Variants in NSUN6 observed in about 807,000 individuals in gnomAD.
NSUN6 encodes NOP2/Sun RNA methyltransferase 6, also known as tRNA (cytosine(72)-C(5))-methyltransferase NSUN6.
Under a neutral mutation model 58.0 loss-of-function variants are expected in NSUN6, and 64 were observed. The ratio of observed to expected loss-of-function variants is 1.10; its 90% confidence interval spans 0.90 to 1.36. The LOEUF is 1.36. NSUN6 is among the 40% of genes most tolerant of loss of function. The pLI, the probability that NSUN6 is intolerant of heterozygous loss-of-function variation, is 0.00. For missense variants in NSUN6, 701 were observed against 550.1 expected, an observed-to-expected ratio of 1.27 and a Z score of -2.74; for synonymous variants, 231 against 193.9, an observed-to-expected ratio of 1.19 and a Z score of -1.59.
intron 3 of NSUN6, among the ~76,000 whole-genome samples, chr10:18,618,015 T>G (rs76839382): frequency 6.6e-6 from 1 of 152,190 alleles, no homozygotes; most frequent in East Asian, 1.9e-4. Flanking sequence ...TATTCTGCTA[T>G]AGCAGCAAAA....
intron 8 of NSUN6, among the ~76,000 whole-genome samples, chr10:18,555,906 AGAATG>A (rs142462616): frequency 0.052 from 7,337 of 140,578 alleles, 278 homozygotes; most frequent in Non-Finnish European, 0.08. Context: ...AATGGAATGG[AGAATG>A]GAATGGAATG....
At chr10:18,658,841 G>T (rs187631730), upstream of NSUN6, among the ~76,000 whole-genome samples, 1 of 152,156 alleles carries the variant, frequency 6.6e-6, no homozygotes, top group Admixed American at 6.5e-5. Context: ...GTCTGCAATC[G>T]ATCAATCAAT....
intron 8 of NSUN6, among the ~76,000 whole-genome samples, chr10:18,575,408 C>G (rs1394865795): frequency 6.6e-6 from 1 of 152,164 alleles, no homozygotes; most frequent in Non-Finnish European, 1.5e-5. Context: ...ACTCACTGGG[C>G]TGAAGCTATC....
In NSUN6 at chr10:18,614,537, A is replaced by G. The variant is rs2058344300; in HGVS notation, c.498T>C (p.Asp166=). 2 of 1,544,172 alleles carry G rather than the reference A, an allele frequency of 1.3e-6. No homozygotes were observed. Among genetic ancestry groups the G allele is most frequent in the Non-Finnish European group, 1.7e-6 (2 of 1,143,456 alleles). ...CATTTCCAAGAAATACTTTTGTTCC[A>G]TCAAATTCTTTGGCTCCTTTCTTAC... ...GKCKKGAKEF[D]GTKVFLGNGI... Residue 166 remains aspartate (D), a synonymous_variant, in exon 5 of 11, where the codon GAT becomes GAC. Transcript: ENST00000377304.
chr10:18,577,087 A>G (rs887327286), intron 8 of NSUN6, among the ~76,000 whole-genome samples: 1 of 152,198 alleles, frequency 6.6e-6, no homozygotes, highest in African/African-American at 2.4e-5. Flanking sequence ...ATCTATTACA[A>G]CCAACGGCGA....
At chr10:18,648,109 G>A (rs2059602717) in intron 2 of NSUN6, among the ~76,000 whole-genome samples, 1 of 151,928 alleles carries the variant, frequency 6.6e-6, no homozygotes, top group African/African-American at 2.4e-5. Context: ...CCTTACCCCT[G>A]GGCTTATTAT....
chr10:18,650,892 C>T (rs1188417878), intron 1 of NSUN6, among the ~76,000 whole-genome samples: 1 of 152,232 alleles, frequency 6.6e-6, no homozygotes, highest in Non-Finnish European at 1.5e-5. Flanking sequence ...GCCTGACAGG[C>T]ACATGCCTTT....
At chr10:18,576,593 T>A (rs1039362257) in intron 8 of NSUN6, among the ~76,000 whole-genome samples, 2 of 152,202 alleles carry the variant, frequency 1.3e-5, no homozygotes, top group African/African-American at 4.8e-5. Flanking sequence ...ATCCCGAAGT[T>A]TGACACCCTG....
At chr10:18,618,346 T>C (rs1463333089) in intron 3 of NSUN6, among the ~76,000 whole-genome samples, 1 of 152,136 alleles carries the variant, frequency 6.6e-6, no homozygotes, top group East Asian at 1.9e-4. Flanking sequence ...ATTATTGTCT[T>C]TCCCCCATTA....
chr10:18,590,302 A>G (rs1189983375), intron 7 of NSUN6, among the ~76,000 whole-genome samples: 1 of 152,176 alleles, frequency 6.6e-6, no homozygotes, highest in Non-Finnish European at 1.5e-5. Context: ...CTCCCACACA[A>G]TAATAGTGGG....
chr10:18,588,069 G>T (rs556662542), intron 7 of NSUN6, among the ~76,000 whole-genome samples: 74 of 152,326 alleles, frequency 4.9e-4, no homozygotes, highest in Admixed American at 1.6e-3. Context: ...AGTCAACGTG[G>T]GATGACCGAG....
At chr10:18,624,333 T>C (rs1440449197) in intron 3 of NSUN6, among the ~76,000 whole-genome samples, 5 of 151,846 alleles carry the variant, frequency 3.3e-5, no homozygotes, top group Admixed American at 1.3e-4. Context: ...TCCTATACTA[T>C]TGACAAGAGA....
chr10:18,573,460 C>T (rs1409248512), intron 8 of NSUN6, among the ~76,000 whole-genome samples: 1 of 151,676 alleles, frequency 6.6e-6, no homozygotes, highest in Non-Finnish European at 1.5e-5. Flanking sequence ...TTCCATATTC[C>T]ATTCCATTCT....
At chr10:18,613,769 C>G (rs1317477886) in intron 5 of NSUN6, among the ~76,000 whole-genome samples, 1 of 152,168 alleles carries the variant, frequency 6.6e-6, no homozygotes, top group East Asian at 1.9e-4. Context: ...ACATGAAAAA[C>G]TGTTCCACCA....
Position 18,633,198 on chromosome 10 carries a change from T to A in NSUN6, c.311+9278A>T, listed in dbSNP as rs561141442. ...GCATATTCTCACTCATAGGTGGGAA[T>A]TGAACAATGGGAACACATGGACACA... On this transcript the variant is annotated intron_variant, in intron 3 of 10. Transcript: ENST00000377304. Among the ~76,000 whole-genome samples, 34 of 150,740 alleles carry A rather than the reference T, an allele frequency of 2.3e-4. No individual in the cohort carries two copies. In the East Asian group the frequency reaches 4.9e-3, roughly 22 times the overall value.
intron 8 of NSUN6, among the ~76,000 whole-genome samples, chr10:18,569,169 TATTCC>T (rs1054643429): frequency 8.0e-5 from 12 of 149,846 alleles, no homozygotes; most frequent in Admixed American, 2.0e-4. Context: ...TTCCATTCTC[TATTCC>T]ATTCCATTCC....
At chr10:18,588,400 G>C (rs956112723) in intron 7 of NSUN6, among the ~76,000 whole-genome samples, 1 of 152,208 alleles carries the variant, frequency 6.6e-6, no homozygotes, top group Non-Finnish European at 1.5e-5. Context: ...CCTGACAAGG[G>C]GGATTCTCCC....
At chr10:18,600,703 G>A (rs1361934674) in intron 6 of NSUN6, among the ~76,000 whole-genome samples, 2 of 151,746 alleles carry the variant, frequency 1.3e-5, no homozygotes, top group Non-Finnish European at 2.9e-5. Flanking sequence ...TGAGGCAGGT[G>A]GATCCCCTGA....
chr10:18,629,726 C>G (rs1180763880), intron 3 of NSUN6, among the ~76,000 whole-genome samples: 1 of 149,022 alleles, frequency 6.7e-6, no homozygotes, highest in African/African-American at 2.5e-5. Context: ...TATATGCACC[C>G]AATACAGGAG....
Sources: allele counts gnomAD v4.1 joint callset (sites outside exome capture counted in the v4.1 genomes callset), GRCh38; gene constraint gnomAD v4.1.1; transcripts MANE v1.5; gene names NCBI Gene and HGNC (gene_info 2026-07-23, HGNC 2026-07-21).